TMEM132C: variants seen among roughly 807,000 people sequenced by gnomAD.
TMEM132C encodes protein phosphatase 1, regulatory subunit 152.
TMEM132C carries 29 observed loss-of-function variants against 61.4 expected under a neutral mutation model. The ratio of observed to expected loss-of-function variants is 0.47; its 90% CI spans 0.35 to 0.64. TMEM132C has a LOEUF of 0.64. Ranked by LOEUF, TMEM132C falls within the 30% of genes least tolerant of loss-of-function variation. The probability of loss-of-function intolerance (pLI) is 0.00; values close to 1 mark genes in which losing one functional copy is unlikely to be tolerated. For synonymous variants in TMEM132C, 656 were observed against 633.1 expected, an observed-to-expected ratio of 1.04 and a Z score of -0.54; for missense variants, 1,408 against 1,476.9, an observed-to-expected ratio of 0.95 and a Z score of 0.76.
intron 4 of TMEM132C, among the ~76,000 whole-genome samples, chr12:128,622,843 C>G (rs1400084037): frequency 6.6e-6 from 1 of 152,174 alleles, no homozygotes; most frequent in East Asian, 1.9e-4. Flanking sequence ...GTCCTGATCT[C>G]CACTTTCCTA....
intron 1 of TMEM132C, among the ~76,000 whole-genome samples, chr12:128,318,468 G>A (rs2135932572): frequency 6.6e-6 from 1 of 152,308 alleles, no homozygotes; most frequent in African/African-American, 2.4e-5. Context: ...ACTTGCTAAA[G>A]GCTTTTGCAC....
chr12:128,284,040 G>A (rs1870980674), intron 1 of TMEM132C, among the ~76,000 whole-genome samples: 1 of 152,204 alleles, frequency 6.6e-6, no homozygotes, highest in Admixed American at 6.5e-5. Flanking sequence ...TCAAAGGAAT[G>A]TGCTGCAACT....
At chr12:128,560,017 G>T (rs1282996499) in intron 3 of TMEM132C, among the ~76,000 whole-genome samples, 1 of 152,252 alleles carries the variant, frequency 6.6e-6, no homozygotes, top group Non-Finnish European at 1.5e-5. Context: ...GGAGGCTGAG[G>T]CAGGTGGATC....
intron 3 of TMEM132C, among the ~76,000 whole-genome samples, chr12:128,551,145 A>G (rs1003303738): frequency 1.3e-5 from 2 of 151,944 alleles, no homozygotes; most frequent in Non-Finnish European, 2.9e-5. Flanking sequence ...GTCACTTGCA[A>G]ATGAATCCTT....
At chr12:128,343,900 C>G (rs1873061899) in intron 1 of TMEM132C, among the ~76,000 whole-genome samples, 2 of 152,294 alleles carry the variant, frequency 1.3e-5, no homozygotes, top group South Asian at 4.1e-4. Flanking sequence ...CTTCATACAA[C>G]ACAATATGCA....
intron 1 of TMEM132C, among the ~76,000 whole-genome samples, chr12:128,300,925 C>T (rs967910651): frequency 2.6e-5 from 4 of 152,226 alleles, no homozygotes; most frequent in African/African-American, 7.2e-5. Context: ...CCTGTAGTCC[C>T]AGCTACTTGG....
At chr12:128,500,360 T>A (rs6486692) in intron 2 of TMEM132C, among the ~76,000 whole-genome samples, 78,976 of 151,670 alleles carry the variant, frequency 0.52, 20,955 homozygotes, top group African/African-American at 0.62. Context: ...TTCATTAAAA[T>A]TTTTTTAATT....
At chr12:128,476,124 T>C (rs1871146053) in intron 2 of TMEM132C, among the ~76,000 whole-genome samples, 1 of 152,198 alleles carries the variant, frequency 6.6e-6, no homozygotes, top group African/African-American at 2.4e-5. Flanking sequence ...AGAGTCAGTC[T>C]CTGATCATCC....
At chr12:128,456,278 C>T (rs1328516345) in intron 2 of TMEM132C, among the ~76,000 whole-genome samples, 1 of 147,940 alleles carries the variant, frequency 6.8e-6, no homozygotes, top group Non-Finnish European at 1.5e-5. Context: ...TTTGCGTGGA[C>T]TTTTCTTGTT....
chr12:128,522,373 A>G (rs1872934453), intron 2 of TMEM132C, among the ~76,000 whole-genome samples: 3 of 152,324 alleles, frequency 2.0e-5, no homozygotes, highest in East Asian at 1.9e-4. Flanking sequence ...CTCCTCCATC[A>G]AAGGCTTTCC....
intron 1 of TMEM132C, among the ~76,000 whole-genome samples, chr12:128,333,924 G>A (rs962124836): frequency 2.6e-5 from 4 of 151,704 alleles, no homozygotes; most frequent in Admixed American, 1.3e-4. Flanking sequence ...AGTTTGTTGT[G>A]TGTGTATGTA....
At chr12:128,413,200 G>A (rs563759255) in intron 1 of TMEM132C, among the ~76,000 whole-genome samples, 4 of 148,756 alleles carry the variant, frequency 2.7e-5, no homozygotes, top group East Asian at 4.1e-4. Context: ...TCGGGAGGCC[G>A]AGGCAGGAGA....
chr12:128,398,210 T>C lies in TMEM132C; in HGVS notation c.86-16522T>C, dbSNP rs151061601. Among the ~76,000 whole-genome samples the C allele has an allele frequency of 3.0e-3, 458 of 152,342 alleles. 8 individuals are homozygous for C. Among genetic ancestry groups the C allele is most frequent in the Non-Finnish European group, 4.4e-4 (30 of 68,028 alleles). On this transcript the variant is annotated intron_variant, in intron 1 of 8. Transcript: ENST00000435159. Reference sequence around the variant, plus strand: ...CCTCCAGCTTCAGGCACTGCTGGATTCAGGGGCTCCATCTCCTGACCTTTC... The same window carrying C: ...CCTCCAGCTTCAGGCACTGCTGGATCCAGGGGCTCCATCTCCTGACCTTTC...
At chr12:128,424,239 T>G (rs74589049) in intron 2 of TMEM132C, among the ~76,000 whole-genome samples, 1 of 152,092 alleles carries the variant, frequency 6.6e-6, no homozygotes, top group African/African-American at 2.4e-5. Flanking sequence ...CTCCTACTTA[T>G]GCACAAAATA....
intron 4 of TMEM132C, among the ~76,000 whole-genome samples, chr12:128,617,849 G>C (rs1363801646): frequency 6.6e-6 from 1 of 152,206 alleles, no homozygotes; most frequent in Non-Finnish European, 1.5e-5. Flanking sequence ...CTACCATAAA[G>C]ATCTGTAAAC....
In TMEM132C at chr12:128,317,229, C is replaced by G. The variant is rs1254975414; in HGVS notation, c.85+49742C>G. 3.9e-5 allele frequency among the ~76,000 whole-genome samples: 6 copies of G among 152,154 alleles called. No homozygotes were observed. In the East Asian group the frequency reaches 9.7e-4, roughly 25 times the overall value. On this transcript the variant is annotated intron_variant, in intron 1 of 8. Transcript: ENST00000435159. ...TAAGCAAAACTTTCTCCTTTCTTAA[C>G]TGATTTCTTTGAGGAACAAAGCCAA...
intron 2 of TMEM132C, among the ~76,000 whole-genome samples, chr12:128,441,847 T>A (rs1408076657): frequency 6.6e-6 from 1 of 151,748 alleles, no homozygotes; most frequent in East Asian, 1.9e-4. Flanking sequence ...ACAAAAAAAA[T>A]AAAAATTAGC....
rs572828479 is a variant in TMEM132C, at chr12:128,472,884, T to G, written c.974+57264T>G. Among the ~76,000 whole-genome samples the G allele has an allele frequency of 2.0e-4, 31 of 152,294 alleles. No homozygotes were observed. The South Asian group carries it at 6.4e-3, about 32-fold the overall frequency. On this transcript the variant is annotated intron_variant, in intron 2 of 8. Coordinates refer to ENST00000435159, the MANE Select transcript of TMEM132C (RefSeq NM_001136103.3). Reference sequence around the variant, plus strand: ...ACCAGGAGCCCACATATATATGAAGTCTGGCAGTGCATTAATTTCCTGGAG... The same window carrying G: ...ACCAGGAGCCCACATATATATGAAGGCTGGCAGTGCATTAATTTCCTGGAG...
intron 4 of TMEM132C, among the ~76,000 whole-genome samples, chr12:128,665,614 AAC>A (rs1491269079): frequency 2.2e-3 from 168 of 74,866 alleles, no homozygotes; most frequent in African/African-American, 0.012. Flanking sequence ...CACATACCCA[AAC>A]ACAGGCACAC....
Sources: allele counts gnomAD v4.1 joint callset (sites outside exome capture counted in the v4.1 genomes callset), GRCh38; gene constraint gnomAD v4.1.1; transcripts MANE v1.5; gene names NCBI Gene and HGNC (gene_info 2026-07-23, HGNC 2026-07-21).